COL5A2: variants seen among roughly 807,000 people sequenced by gnomAD.
The protein encoded by COL5A2 is collagen alpha-2(V) chain.
COL5A2 carries 23 observed loss-of-function variants against 208.2 expected under a neutral mutation model. That is an observed-to-expected ratio of 0.11 (90% CI 0.08 to 0.16). The LOEUF is 0.16. Among genes scored for constraint, COL5A2 ranks in the 10% least tolerant of loss-of-function variants. The pLI is 1.00. For missense variants in COL5A2, 1,590 were observed against 1,956.4 expected, an observed-to-expected ratio of 0.81 and a Z score of 3.53; for synonymous variants, 625 against 628.5, an observed-to-expected ratio of 0.99 and a Z score of 0.08.
intron 1 of COL5A2, among the ~76,000 whole-genome samples, chr2:189,113,210 G>A (rs1687317190): frequency 6.6e-6 from 1 of 152,160 alleles, no homozygotes; most frequent in South Asian, 2.1e-4. Context: ...TGGGAGGATT[G>A]CTTGAGGCCA....
the COL5A2 span, among the ~76,000 whole-genome samples, chr2:189,434,445 C>T: frequency 1.3e-5 from 2 of 152,238 alleles, no homozygotes; most frequent in South Asian, 2.1e-4. Context: ...TGTCTCAGCC[C>T]AAAATCTCCT....
At chr2:189,375,217 C>G in the COL5A2 span, among the ~76,000 whole-genome samples, 2 of 151,998 alleles carry the variant, frequency 1.3e-5, no homozygotes, top group African/African-American at 4.8e-5. Context: ...TGGGGTTTCA[C>G]CATGTTGGTC....
rs1293358935 is a variant in COL5A2 at position 189,032,042 on chromosome 2, G to C, written c.*2028C>G. The C allele has an allele frequency of 1.3e-5, 2 of 152,176 alleles. No homozygotes were observed. The highest frequency in any genetic ancestry group is 3.9e-4 in the East Asian group (2 of 5,184). 9.4% of individuals were successfully genotyped at this position (152,176 alleles called of 1,614,324 possible). A position where few individuals can be genotyped will look rare whatever the true frequency, so the allele number is the denominator to read the frequency against. On this transcript the variant is annotated 3_prime_UTR_variant, in exon 54 of 54. Coordinates refer to ENST00000374866, the MANE Select transcript of COL5A2 (RefSeq NM_000393.5). ...CTATATGAACTTATATAATCTTATA[G>C]TTTGGACTTGGAAGTCAAACAAAAC...
At position 189,036,759 on chromosome 2, in the gene COL5A2, T is replaced by G; in HGVS notation, c.3970A>C (p.Ile1324Leu). ...GTTTCCATGTTGCAGTAAACTTTGA[T>G]TGCATCTTCAACAGATCCTTGGTTA... Reference protein sequence around the residue: ...DPNQGSVEDAIKVYCNMETGE... With the variant: ...DPNQGSVEDALKVYCNMETGE... Residue 1324 changes from isoleucine (I) to leucine (L), a missense_variant, in exon 52 of 54, where the codon ATC becomes CTC. Ile to Leu is a conservative substitution (Grantham distance 5). Coordinates refer to ENST00000374866, the MANE Select transcript of COL5A2 (RefSeq NM_000393.5). The G allele has an allele frequency of 6.2e-7, 1 of 1,613,676 alleles. No homozygotes were observed. Among genetic ancestry groups the G allele is most frequent in the Non-Finnish European group, 8.5e-7 (1 of 1,179,674 alleles).
chr2:189,116,590 G>A (rs1342634111), intron 1 of COL5A2, among the ~76,000 whole-genome samples: 1 of 152,166 alleles, frequency 6.6e-6, no homozygotes, highest in Non-Finnish European at 1.5e-5. Context: ...GGGATGGTGG[G>A]AGGATAAGTA....
chr2:189,417,726 C>T, the COL5A2 span, among the ~76,000 whole-genome samples: 1 of 151,826 alleles, frequency 6.6e-6, no homozygotes, highest in East Asian at 1.9e-4. Context: ...TTTCATTTAA[C>T]GTGATGTCCT....
intron 1 of COL5A2, among the ~76,000 whole-genome samples, chr2:189,162,103 T>C (rs1688378716): frequency 6.6e-6 from 1 of 152,164 alleles, no homozygotes; most frequent in African/African-American, 2.4e-5. Context: ...TCTCAGGCAG[T>C]ATGTGGGAGG....
the COL5A2 span, among the ~76,000 whole-genome samples, chr2:189,326,107 A>T: frequency 6.6e-6 from 1 of 151,820 alleles, no homozygotes; most frequent in Non-Finnish European, 1.5e-5. Context: ...AAAAAAAAAA[A>T]AAAAAAAAGA....
At chr2:189,079,254 T>C (rs187776688) in intron 14 of COL5A2, 147 bp from the exon 15 acceptor site, 9 of 682,690 alleles carry the variant, frequency 1.3e-5, no homozygotes, top group African/African-American at 9.0e-5. Flanking sequence ...TGTTGTTTTA[T>C]TACCTCTTCT....
chr2:189,047,795 A>G (rs745768071), intron 45 of COL5A2, among the ~76,000 whole-genome samples: 1 of 152,206 alleles, frequency 6.6e-6, no homozygotes, highest in Non-Finnish European at 1.5e-5. Flanking sequence ...CACATCATGG[A>G]ATATACAGTG....
At chr2:189,321,924 G>T in the COL5A2 span, among the ~76,000 whole-genome samples, 1 of 152,142 alleles carries the variant, frequency 6.6e-6, no homozygotes, top group Non-Finnish European at 1.5e-5. Context: ...CACATAGTTG[G>T]AAGTAAAGCA....
At chr2:189,335,075 T>C in the COL5A2 span, among the ~76,000 whole-genome samples, 4 of 152,062 alleles carry the variant, frequency 2.6e-5, no homozygotes, top group African/African-American at 9.7e-5. Flanking sequence ...AATTAACTCA[T>C]TACTGATCAT....
At chr2:189,213,678 C>T (rs1353077698) in intron 1 of COL5A2, among the ~76,000 whole-genome samples, 3 of 152,290 alleles carry the variant, frequency 2.0e-5, no homozygotes, top group South Asian at 4.1e-4. Context: ...GATTAAAAGA[C>T]TTAAGAGACA....
rs1262671764 is a variant in COL5A2 at position 189,118,637 on chromosome 2, A to G, written c.98-8188T>C. 3.9e-5 allele frequency among the ~76,000 whole-genome samples: 6 copies of G among 152,136 alleles called. No homozygotes were observed. In the East Asian group the frequency reaches 1.2e-3, roughly 29 times the overall value. ...CTAAAATATTTTGAAGAAAATTTCT[A>G]ATAGGAATTTAAAGGGATGCCTCTT... On this transcript the variant is annotated intron_variant, in intron 1 of 53. Transcript: ENST00000374866.
chr2:189,259,174 C>T, the COL5A2 span, among the ~76,000 whole-genome samples: 1 of 152,130 alleles, frequency 6.6e-6, no homozygotes, highest in African/African-American at 2.4e-5. Context: ...GGTGGCAGAA[C>T]AGTGGCTACT....
intron 14 of COL5A2, 28 bp downstream of exon 14, chr2:189,079,950 G>A (rs1208734031): frequency 1.3e-6 from 2 of 1,595,048 alleles, no homozygotes; most frequent in Admixed American, 3.3e-5. Flanking sequence ...GCCAAAGTGA[G>A]GTTACAGTGA....
chr2:189,421,933 G>A, the COL5A2 span, among the ~76,000 whole-genome samples: 1 of 152,142 alleles, frequency 6.6e-6, no homozygotes, highest in South Asian at 2.1e-4. Flanking sequence ...AGCAGTCCAA[G>A]CTTATGATGC....
At position 189,079,111 on chromosome 2, in the gene COL5A2, A is replaced by C; in HGVS notation, c.961-4T>G. ...GACCAGTGGGGCCAGCTTCACCCTAAAAAAAAATGAGAATACATTACAGTA... is the reference window on the plus strand; with the variant it reads ...GACCAGTGGGGCCAGCTTCACCCTACAAAAAAATGAGAATACATTACAGTA... On this transcript the variant is annotated splice_region_variant and splice_polypyrimidine_tract_variant and intron_variant, in intron 14 of 53. Coordinates refer to ENST00000374866, the MANE Select transcript of COL5A2 (RefSeq NM_000393.5). 1 of 1,610,064 alleles carries C rather than the reference A, an allele frequency of 6.2e-7. No homozygotes were observed. The highest frequency in any genetic ancestry group is 8.5e-7 in the Non-Finnish European group (1 of 1,176,892).
At chr2:189,187,733 G>A (rs1183852248) in intron 1 of COL5A2, among the ~76,000 whole-genome samples, 1 of 152,120 alleles carries the variant, frequency 6.6e-6, no homozygotes, top group African/African-American at 2.4e-5. Flanking sequence ...CACTTTGGGA[G>A]GCCGAGGCGG....
Sources: allele counts gnomAD v4.1 joint callset (sites outside exome capture counted in the v4.1 genomes callset), GRCh38; gene constraint gnomAD v4.1.1; transcripts MANE v1.5; gene names NCBI Gene and HGNC (gene_info 2026-07-23, HGNC 2026-07-21).